Variants in RBFOX1 observed in about 807,000 individuals in gnomAD.
RBFOX1 encodes the protein RNA binding fox-1 homolog 1.
RBFOX1 carries 8 observed loss-of-function variants against 57.7 expected under a neutral mutation model. The observed-to-expected ratio is 0.14, with a 90% confidence interval of 0.08 to 0.25. The LOEUF is 0.25. RBFOX1 is among the 10% of genes least tolerant of loss of function. The probability of loss-of-function intolerance (pLI) is 1.00; values close to 1 mark genes in which losing one functional copy is unlikely to be tolerated. For missense variants in RBFOX1, 611 were observed against 548.5 expected, an observed-to-expected ratio of 1.11 and a Z score of -1.14; for synonymous variants, 326 against 222.4, an observed-to-expected ratio of 1.47 and a Z score of -4.15.
At chr16:6,094,075 G>GT (rs2096213411) in intron 1 of RBFOX1, among the ~76,000 whole-genome samples, 1 of 152,118 alleles carries the variant, frequency 6.6e-6, no homozygotes, top group East Asian at 1.9e-4. Flanking sequence ...ACTTGTCCCA[G>GT]TTTTGCCATT....
At chr16:6,322,280 C>T (rs1034191321) in intron 2 of RBFOX1, among the ~76,000 whole-genome samples, 4 of 152,294 alleles carry the variant, frequency 2.6e-5, no homozygotes, top group Non-Finnish European at 4.4e-5. Context: ...ACAAGAATAT[C>T]GTCTAGTTGG....
chr16:5,784,433 A>C (rs1454535749), intron 3 of RBFOX1, among the ~76,000 whole-genome samples: 5 of 151,936 alleles, frequency 3.3e-5, no homozygotes, highest in East Asian at 3.9e-4. Flanking sequence ...TCTGAAACAA[A>C]AAAAAAAGAG....
chr16:7,451,157 G>A (rs2098849463), intron 4 of RBFOX1, among the ~76,000 whole-genome samples: 1 of 152,174 alleles, frequency 6.6e-6, no homozygotes, highest in Non-Finnish European at 1.5e-5. Flanking sequence ...GCTTTCTGGG[G>A]GATGAGGTTG....
At position 6,289,152 on chromosome 16, in the gene RBFOX1, A is replaced by G. The variant is rs191942211; in HGVS notation, c.-126-27843A>G. 5.6e-3 allele frequency among the ~76,000 whole-genome samples: 858 copies of G among 152,316 alleles called. 6 individuals are homozygous for G. The highest frequency in any genetic ancestry group is 0.014 in the Middle Eastern group (4 of 294). Reference sequence around the variant, plus strand: ...ACTTATCTGTTTAGTGATGGGGATGATCTTTCCTCCAAATCACACCGTGGA... The same window carrying G: ...ACTTATCTGTTTAGTGATGGGGATGGTCTTTCCTCCAAATCACACCGTGGA... On this transcript the variant is annotated intron_variant, in intron 1 of 15. Coordinates refer to ENST00000550418, the MANE Select transcript of RBFOX1 (RefSeq NM_018723.4).
intron 1 of RBFOX1, among the ~76,000 whole-genome samples, chr16:6,294,842 T>A (rs1363455070): frequency 6.6e-6 from 1 of 152,222 alleles, no homozygotes; most frequent in Non-Finnish European, 1.5e-5. Context: ...ATAGGAGGAA[T>A]GTGCTGTGGT....
rs759971365 is a variant in RBFOX1, at chr16:6,977,120, TATC to T, written c.-15-74934_-15-74932del. On this transcript the variant is annotated intron_variant, in intron 3 of 15. Transcript: ENST00000550418. ...TATATATCATATATATGATCTATAT[TATC>T]ATATATATGATATATATTATATATA... is the stretch of plus-strand genomic sequence containing the variant. 4.1e-3 allele frequency among the ~76,000 whole-genome samples: 570 copies of T among 139,460 alleles called. 2 individuals carry two copies. The highest frequency in any genetic ancestry group is 6.3e-3 in the Non-Finnish European group (417 of 65,776). The allele number at this position is 139,460 out of a possible 152,430, so 91.5% of individuals were successfully genotyped here.
intron 3 of RBFOX1, among the ~76,000 whole-genome samples, chr16:6,932,020 G>A (rs1165502435): frequency 6.6e-6 from 1 of 152,180 alleles, no homozygotes; most frequent in East Asian, 1.9e-4. Context: ...GACACCTGCA[G>A]TAGCTAACCT....
chr16:6,332,871 C>T (rs2083206105), intron 2 of RBFOX1, among the ~76,000 whole-genome samples: 1 of 152,108 alleles, frequency 6.6e-6, no homozygotes, highest in Non-Finnish European at 1.5e-5. Flanking sequence ...TGATGATGCC[C>T]ATCTCTTATG....
chr16:6,510,831 TTGCACCCTTAGTGC>T (rs965231783), intron 2 of RBFOX1, among the ~76,000 whole-genome samples: 2 of 151,930 alleles, frequency 1.3e-5, no homozygotes, highest in Admixed American at 6.6e-5. Flanking sequence ...TTAAGTAGTG[TTGCACCCTTAGTGC>T]TGCACCCTTA....
At position 5,319,393 on chromosome 16, in the gene RBFOX1, G is replaced by C. The variant is rs542182747; in HGVS notation, c.219+79288G>C. Among the ~76,000 whole-genome samples the C allele has an allele frequency of 3.9e-5, 6 of 152,294 alleles. No individual in the cohort carries two copies. In the East Asian group the frequency reaches 1.2e-3, roughly 29 times the overall value. On this transcript the variant is annotated intron_variant, in intron 1 of 2. Transcript: ENST00000585867. ...TTTGGTTCACAGCCCTGTTCTAGTG[G>C]TCTCTGACTGTCTGCCCTCCCACTG...
chr16:6,355,995 C>A (rs2087252192), intron 2 of RBFOX1, among the ~76,000 whole-genome samples: 1 of 152,140 alleles, frequency 6.6e-6, no homozygotes, highest in African/African-American at 2.4e-5. Context: ...GCAATTTAAA[C>A]AGCAGAAGAA....
chr16:7,465,150 CTTTTT>C (rs1167509543), intron 4 of RBFOX1, among the ~76,000 whole-genome samples: 1 of 152,158 alleles, frequency 6.6e-6, no homozygotes, highest in Non-Finnish European at 1.5e-5. Flanking sequence ...GCATATTTTA[CTTTTT>C]CCACCTAGAA....
At chr16:7,329,977 A>G (rs1164984445) in intron 4 of RBFOX1, among the ~76,000 whole-genome samples, 3 of 152,192 alleles carry the variant, frequency 2.0e-5, no homozygotes, top group Non-Finnish European at 2.9e-5. Context: ...TGTTCTGAGA[A>G]ACTGGTCAGG....
At chr16:7,200,027 G>A (rs188069823) in intron 4 of RBFOX1, among the ~76,000 whole-genome samples, 3 of 152,234 alleles carry the variant, frequency 2.0e-5, no homozygotes, top group Admixed American at 6.5e-5. Flanking sequence ...CAATCATAGA[G>A]CCAGATTTCT....
At chr16:5,713,413 T>C (rs1279451710) in intron 3 of RBFOX1, among the ~76,000 whole-genome samples, 1 of 152,190 alleles carries the variant, frequency 6.6e-6, no homozygotes, top group Non-Finnish European at 1.5e-5. Context: ...TTGGTGAAAC[T>C]TGTTCTTGTT....
At chr16:5,717,915 A>G (rs1305262199) in intron 3 of RBFOX1, among the ~76,000 whole-genome samples, 3 of 152,208 alleles carry the variant, frequency 2.0e-5, no homozygotes, top group Non-Finnish European at 2.9e-5. Context: ...TATTTGAGGT[A>G]CAGATATCTC....
At chr16:5,500,606 C>T (rs974904256) in intron 2 of RBFOX1, among the ~76,000 whole-genome samples, 2 of 152,152 alleles carry the variant, frequency 1.3e-5, no homozygotes, top group Non-Finnish European at 2.9e-5. Context: ...ATGTCAGGAC[C>T]TAGAGTTCTC....
intron 4 of RBFOX1, among the ~76,000 whole-genome samples, chr16:7,301,277 A>G (rs1048996715): frequency 1.3e-5 from 2 of 152,184 alleles, no homozygotes; most frequent in Non-Finnish European, 2.9e-5. Flanking sequence ...TGCAGTGTTT[A>G]TGGGAAGGGG....
chr16:7,253,625 C>G (rs1017901707), intron 4 of RBFOX1, among the ~76,000 whole-genome samples: 3 of 152,164 alleles, frequency 2.0e-5, no homozygotes, highest in African/African-American at 7.2e-5. Flanking sequence ...TTCTGTTCAG[C>G]TCATTTCTAC....
Sources: gnomAD v4.1 joint callset for allele counts (sites outside exome capture counted in the v4.1 genomes callset) on GRCh38, gnomAD v4.1.1 for gene constraint, MANE v1.5 for transcripts, NCBI Gene and HGNC (gene_info 2026-07-23, HGNC 2026-07-21) for gene names.